Variants in DLGAP1 observed in about 807,000 individuals in gnomAD.
DLGAP1 encodes disks large-associated protein 1.
Under a neutral mutation model 90.8 loss-of-function variants are expected in DLGAP1, and 11 were observed. The ratio of observed to expected loss-of-function variants is 0.12; its 90% CI spans 0.08 to 0.20. The LOEUF (loss-of-function observed/expected upper bound fraction) is 0.20, where lower values mean the gene tolerates loss of function less well. DLGAP1 is among the 10% of genes least tolerant of loss of function. DLGAP1 has a pLI of 1.00. For missense variants in DLGAP1, 1,050 were observed against 1,333.8 expected (o/e 0.79, Z 3.31); for synonymous variants, 558 against 540.7 (o/e 1.03, Z -0.44).
intron 5 of DLGAP1, among the ~76,000 whole-genome samples, chr18:3,772,218 CTCTT>C (rs1265659381): frequency 1.6e-5 from 1 of 63,818 alleles, no homozygotes; most frequent in Non-Finnish European, 3.0e-5. Flanking sequence ...TTTTCTTTCT[CTCTT>C]TCTTTTCTTT....
At chr18:3,793,558 C>T (rs965340140) in intron 5 of DLGAP1, among the ~76,000 whole-genome samples, 4 of 152,198 alleles carry the variant, frequency 2.6e-5, no homozygotes, top group Non-Finnish European at 5.9e-5. Context: ...TGGTCCTCCA[C>T]CCAAGGCTGT....
chr18:3,845,101 A>T, intron 4 of DLGAP1: 1 of 1,157,890 alleles, frequency 8.6e-7, no homozygotes, highest in Non-Finnish European at 1.2e-6. Flanking sequence ...GTTCATCCCC[A>T]GTTCACAGAC....
intron 1 of DLGAP1, among the ~76,000 whole-genome samples, chr18:4,443,987 G>A (rs1164818836): frequency 3.9e-5 from 6 of 152,220 alleles, no homozygotes; most frequent in Admixed American, 3.9e-4. Flanking sequence ...TTCCAGTTAT[G>A]TTTTGCACAT....
chr18:3,551,747 C>T (rs2053484695), intron 9 of DLGAP1, among the ~76,000 whole-genome samples: 1 of 84,658 alleles, frequency 1.2e-5, no homozygotes, highest in Non-Finnish European at 2.2e-5. Context: ...TTCCTTCCTT[C>T]CTTCCTTCCT....
intron 2 of DLGAP1, among the ~76,000 whole-genome samples, chr18:4,049,678 C>T (rs72871106): frequency 0.12 from 17,866 of 152,168 alleles, 1,380 homozygotes; most frequent in Admixed American, 0.23. Context: ...CTCCAGCATG[C>T]CACCCAAGGA....
At chr18:4,050,803 T>G (rs2143069859) in intron 2 of DLGAP1, among the ~76,000 whole-genome samples, 1 of 152,278 alleles carries the variant, frequency 6.6e-6, no homozygotes, top group South Asian at 2.1e-4. Context: ...CACTTGCCTC[T>G]TATCTTTGAA....
At chr18:3,852,218 T>C (rs2069381800) in intron 4 of DLGAP1, among the ~76,000 whole-genome samples, 1 of 152,156 alleles carries the variant, frequency 6.6e-6, no homozygotes, top group Admixed American at 6.6e-5. Flanking sequence ...TGCAAAGTCG[T>C]CTAGAATGAT....
chr18:4,113,456 GTTATTA>G (rs1408469397), intron 2 of DLGAP1, among the ~76,000 whole-genome samples: 1 of 151,756 alleles, frequency 6.6e-6, no homozygotes. Context: ...TTTTAATGGG[GTTATTA>G]TTATTATTTT....
intron 6 of DLGAP1, among the ~76,000 whole-genome samples, chr18:3,734,039 G>A (rs2062546956): frequency 6.6e-6 from 1 of 152,168 alleles, no homozygotes. Flanking sequence ...GGTACATGGT[G>A]TGTTTACATG....
chr18:3,806,927 C>T (rs2066593624), intron 5 of DLGAP1, among the ~76,000 whole-genome samples: 1 of 152,204 alleles, frequency 6.6e-6, no homozygotes, highest in Non-Finnish European at 1.5e-5. Flanking sequence ...TGGTAAGCCA[C>T]AGAACAGAGA....
intron 2 of DLGAP1, among the ~76,000 whole-genome samples, chr18:4,057,857 C>A (rs766670834): frequency 6.6e-6 from 1 of 152,256 alleles, no homozygotes; most frequent in East Asian, 1.9e-4. Flanking sequence ...ATGTGTTCAA[C>A]CCCTGTACAT....
At chr18:4,277,095 G>C (rs1598792284) in intron 1 of DLGAP1, among the ~76,000 whole-genome samples, 1 of 152,134 alleles carries the variant, frequency 6.6e-6, no homozygotes, top group African/African-American at 2.4e-5. Flanking sequence ...CCAAAACAGT[G>C]GGAGGCTTTT....
intron 5 of DLGAP1, chr18:3,770,929 T>G (rs1032091313): frequency 5.3e-5 from 8 of 152,230 alleles, no homozygotes; most frequent in African/African-American, 1.9e-4. Flanking sequence ...ATTACCTTTA[T>G]GCCATGGTAA....
rs142541875 is a variant in DLGAP1 at position 4,365,681 on chromosome 18, C to T, written c.-267+89325G>A. On this transcript the variant is annotated intron_variant, in intron 1 of 12. Coordinates refer to ENST00000315677, the MANE Select transcript of DLGAP1 (RefSeq NM_004746.4). ...TCAATATTCTTAAATTGAGCTATTC[C>T]GTGTTAAGCACAGGCATGAATTTGA... Among the ~76,000 whole-genome samples the T allele has an allele frequency of 3.0e-3, 449 of 152,106 alleles. 1 individual carries two copies. Among genetic ancestry groups the T allele is most frequent in the African/African-American group, 0.01 (419 of 41,530 alleles).
chr18:3,942,198 T>C (rs560362244), intron 3 of DLGAP1, among the ~76,000 whole-genome samples: 31 of 152,204 alleles, frequency 2.0e-4, no homozygotes, highest in Non-Finnish European at 4.4e-4. Context: ...GCCTTCACTA[T>C]AAGCCAGGCA....
At chr18:3,741,038 TCACCTCACCAC>T (rs1568047791) in intron 6 of DLGAP1, among the ~76,000 whole-genome samples, 2 of 30,228 alleles carry the variant, frequency 6.6e-5, no homozygotes, top group Non-Finnish European at 1.3e-4. Context: ...ACCACCACCA[TCACCTCACCAC>T]CACCACCATC....
chr18:4,390,447 A>G (rs1057157442), intron 1 of DLGAP1, among the ~76,000 whole-genome samples: 2 of 151,932 alleles, frequency 1.3e-5, no homozygotes, highest in Non-Finnish European at 2.9e-5. Context: ...AAAAATGTAT[A>G]ATGACATGTG....
chr18:4,261,021 A>G (rs1568477357), intron 1 of DLGAP1, among the ~76,000 whole-genome samples: 1 of 152,220 alleles, frequency 6.6e-6, no homozygotes, highest in East Asian at 1.9e-4. Context: ...GAGTGTGTAA[A>G]GGACAAACAC....
At chr18:3,550,757 T>TTG (rs2053350817) in intron 9 of DLGAP1, among the ~76,000 whole-genome samples, 2 of 93,104 alleles carry the variant, frequency 2.1e-5, no homozygotes, top group African/African-American at 6.6e-5. Context: ...TTTTTTTTTT[T>TTG]GTAAGACAGA....
Sources: gnomAD v4.1 joint callset for allele counts (sites outside exome capture counted in the v4.1 genomes callset) on GRCh38, gnomAD v4.1.1 for gene constraint, MANE v1.5 for transcripts, NCBI Gene and HGNC (gene_info 2026-07-23, HGNC 2026-07-21) for gene names.